The following PLPP1 variants were observed in gnomAD, a reference collection of about 807,000 sequenced individuals.
The protein encoded by PLPP1 is phospholipid phosphatase 1, also known as lipid phosphate phosphohydrolase 1a.
PLPP1 carries 24 observed loss-of-function variants against 31.2 expected under a neutral mutation model. That is an observed-to-expected ratio of 0.77 (90% CI 0.56 to 1.08). The LOEUF is 1.08. Among genes scored for constraint, PLPP1 ranks in the 50% least tolerant of loss-of-function variants. The pLI, the probability that PLPP1 is intolerant of heterozygous loss-of-function variation, is 0.00. For missense variants in PLPP1, 319 were observed against 342.7 expected (o/e 0.93, Z 0.55); for synonymous variants, 146 against 126.3 (o/e 1.16, Z -1.05).
intron 4 of PLPP1, among the ~76,000 whole-genome samples, chr5:55,437,668 T>C (rs1433083279): frequency 6.6e-6 from 1 of 152,200 alleles, no homozygotes; most frequent in Non-Finnish European, 1.5e-5. Context: ...CTACATTTGA[T>C]GACAGATCTG....
intron 1 of PLPP1, among the ~76,000 whole-genome samples, chr5:55,499,506 A>C (rs1753071577): frequency 6.6e-6 from 1 of 152,106 alleles, no homozygotes; most frequent in African/African-American, 2.4e-5. Flanking sequence ...ACCTCACAAG[A>C]CTCTTAAACA....
intron 1 of PLPP1, among the ~76,000 whole-genome samples, chr5:55,512,455 A>G (rs1260571357): frequency 8.2e-6 from 1 of 121,268 alleles, no homozygotes; most frequent in Non-Finnish European, 1.8e-5. Flanking sequence ...TGGGCAACAG[A>G]GCAAGACTGT....
chr5:55,428,817 C>T (rs935261123), intron 4 of PLPP1, among the ~76,000 whole-genome samples: 2 of 152,174 alleles, frequency 1.3e-5, no homozygotes, highest in Admixed American at 6.6e-5. Context: ...TCTATTAAAC[C>T]CATTCTAGGT....
chr5:55,460,838 T>C (rs746559506), intron 3 of PLPP1, among the ~76,000 whole-genome samples: 1 of 151,944 alleles, frequency 6.6e-6, no homozygotes, highest in Non-Finnish European at 1.5e-5. Context: ...AGAACAAGAC[T>C]CCATCTCTAA....
intron 3 of PLPP1, among the ~76,000 whole-genome samples, chr5:55,465,357 T>C (rs573301974): frequency 6.6e-6 from 1 of 152,288 alleles, no homozygotes; most frequent in African/African-American, 2.4e-5. Flanking sequence ...CTCCTATAGC[T>C]GGTTTTATCA....
intron 1 of PLPP1, among the ~76,000 whole-genome samples, chr5:55,533,246 T>C (rs898880133): frequency 2.0e-5 from 3 of 151,618 alleles, no homozygotes; most frequent in Non-Finnish European, 4.4e-5. Context: ...TAGCCAGGCA[T>C]GGTGGCGGTG....
At chr5:55,445,040 G>A (rs554147938) in intron 3 of PLPP1, among the ~76,000 whole-genome samples, 37 of 152,238 alleles carry the variant, frequency 2.4e-4, no homozygotes, top group African/African-American at 8.4e-4. Context: ...GTGAGCCACC[G>A]CGCCTAGCCT....
chr5:55,444,963 T>C (rs1259119281), intron 3 of PLPP1, among the ~76,000 whole-genome samples: 1 of 152,146 alleles, frequency 6.6e-6, no homozygotes, highest in Non-Finnish European at 1.5e-5. Context: ...TTGGCCAGGC[T>C]GGTCTTGAAC....
At chr5:55,436,076 T>G (rs985135235) in intron 4 of PLPP1, among the ~76,000 whole-genome samples, 3 of 151,018 alleles carry the variant, frequency 2.0e-5, no homozygotes, top group Admixed American at 6.6e-5. Flanking sequence ...ATACAAGCAA[T>G]TTCCTATTTC....
intron 4 of PLPP1, among the ~76,000 whole-genome samples, chr5:55,426,917 T>C (rs1450447393): frequency 6.6e-6 from 1 of 152,178 alleles, no homozygotes; most frequent in Non-Finnish European, 1.5e-5. Flanking sequence ...AGCCAAGAAG[T>C]GTATTCTTTC....
intron 3 of PLPP1, among the ~76,000 whole-genome samples, chr5:55,465,034 TG>T (rs2111779389): frequency 1.7e-5 from 2 of 120,374 alleles, no homozygotes; most frequent in South Asian, 6.6e-4. Context: ...TTTTTTTATG[TG>T]GGGCGGAGGT....
intron 1 of PLPP1, among the ~76,000 whole-genome samples, chr5:55,479,132 C>T (rs964741733): frequency 6.6e-6 from 1 of 151,280 alleles, no homozygotes; most frequent in African/African-American, 2.4e-5. Flanking sequence ...TCAAGCGATT[C>T]TCCTGCCTCA....
intron 3 of PLPP1, among the ~76,000 whole-genome samples, 168 bp from the exon 4 acceptor site, chr5:55,442,076 T>C (rs767071791): frequency 4.6e-5 from 7 of 151,858 alleles, no homozygotes; most frequent in Non-Finnish European, 8.8e-5. Context: ...CATTAAAGAG[T>C]GCAAGAAGGA....
chr5:55,529,836 C>A (rs796877628), intron 1 of PLPP1, among the ~76,000 whole-genome samples: 61 of 152,036 alleles, frequency 4.0e-4, no homozygotes, highest in African/African-American at 1.3e-3. Flanking sequence ...GAGGAATGTA[C>A]CAAATTTCAA....
chr5:55,474,436 A>T (rs1026716874), intron 2 of PLPP1, among the ~76,000 whole-genome samples: 4 of 152,202 alleles, frequency 2.6e-5, no homozygotes, highest in African/African-American at 9.7e-5. Context: ...TTTAGTAGAG[A>T]TTATAAAAAT....
chr5:55,444,743 T>TTTTGTGTGTGTGTGTGTGTGTGTGTG (rs1751714532), intron 3 of PLPP1, among the ~76,000 whole-genome samples: 1 of 137,268 alleles, frequency 7.3e-6, no homozygotes, highest in African/African-American at 2.7e-5. Context: ...GGATTCTATT[T>TTTTGTGTGTGTGTGTGTGTGTGTGTG]TGTGTGTGTG....
At chr5:55,453,345 TC>T (rs1212456332) in intron 3 of PLPP1, among the ~76,000 whole-genome samples, 2 of 152,228 alleles carry the variant, frequency 1.3e-5, no homozygotes, top group African/African-American at 4.8e-5. Context: ...TGATGTATTT[TC>T]CCCTTTCAGT....
intron 3 of PLPP1, among the ~76,000 whole-genome samples, chr5:55,458,887 C>CA (rs529067608): frequency 0.084 from 1,760 of 21,040 alleles, 599 homozygotes; most frequent in Middle Eastern, 0.28. Context: ...ACCCTGTCTC[C>CA]AAAAAAAAAA....
Position 55,425,300 on chromosome 5 carries a change from G to C in PLPP1, c.761C>G (p.Thr254Ser). 1 of 1,608,178 alleles carries C rather than the reference G, an allele frequency of 6.2e-7. No homozygotes were observed. The highest frequency in any genetic ancestry group is 1.3e-5 in the African/African-American group (1 of 74,846). Reference protein sequence around the residue: ...VYVSDFFKERTSFKERKEEDS... With the variant: ...VYVSDFFKERSSFKERKEEDS... ...CTCCTCTTTTCTTTCTTTAAAAGAAGTTCTTTCTTTGAAGAAATCCGATAC... is the reference window on the plus strand; with the variant it reads ...CTCCTCTTTTCTTTCTTTAAAAGAACTTCTTTCTTTGAAGAAATCCGATAC... Residue 254 changes from threonine to serine, a missense_variant, in exon 6 of 6, where the codon ACT (threonine) becomes AGT (serine). Transcript: ENST00000307259.
Sources: allele counts gnomAD v4.1 joint callset (sites outside exome capture counted in the v4.1 genomes callset), GRCh38; gene constraint gnomAD v4.1.1; transcripts MANE v1.5; gene names NCBI Gene and HGNC (gene_info 2026-07-23, HGNC 2026-07-21).